Variants in SCN11A observed in about 807,000 individuals in gnomAD.
SCN11A encodes the protein sodium channel protein type 11 subunit alpha.
A neutral mutation model predicts 162.2 loss-of-function variants in SCN11A; 122 were observed. The ratio of observed to expected loss-of-function variants is 0.75; its 90% CI spans 0.65 to 0.87. The LOEUF (loss-of-function observed/expected upper bound fraction) is 0.87. Ranked by LOEUF, SCN11A falls within the 40% of genes least tolerant of loss-of-function variation. The probability of loss-of-function intolerance (pLI) is 0.00; values close to 1 mark genes in which losing one functional copy is unlikely to be tolerated. For missense variants in SCN11A, 2,015 were observed against 2,181.6 expected (o/e 0.92, Z 1.52); for synonymous variants, 758 against 751.5 (o/e 1.01, Z -0.14).
At chr3:38,893,557 A>T (rs1186285584) in intron 19 of SCN11A, among the ~76,000 whole-genome samples, 1 of 152,214 alleles carries the variant, frequency 6.6e-6, no homozygotes, top group African/African-American at 2.4e-5. Context: ...TCCAAATGGC[A>T]GAATACACAT....
chr3:39,032,900 C>A (rs1028407632), intron 1 of SCN11A, among the ~76,000 whole-genome samples: 1 of 151,990 alleles, frequency 6.6e-6, no homozygotes, highest in South Asian at 2.1e-4. Context: ...GCCTACAATC[C>A]CAACACTTTG....
At chr3:38,905,350 A>G (rs756405691) in intron 14 of SCN11A, 29 bp from the exon 15 acceptor site, 2 of 1,602,742 alleles carry the variant, frequency 1.2e-6, no homozygotes, top group South Asian at 1.1e-5. Flanking sequence ...GGCACCTTCT[A>G]AAGACAGGGG....
At chr3:38,928,942 A>G (rs1314225633) in intron 7 of SCN11A, among the ~76,000 whole-genome samples, 2 of 152,184 alleles carry the variant, frequency 1.3e-5, no homozygotes, top group East Asian at 3.8e-4. Flanking sequence ...AGGTATATGT[A>G]TAAAAGAATT....
chr3:38,911,413 T>C (rs1230155008), intron 11 of SCN11A, among the ~76,000 whole-genome samples: 1 of 152,182 alleles, frequency 6.6e-6, no homozygotes, highest in African/African-American at 2.4e-5. Flanking sequence ...CCTTTTTGGG[T>C]GACCTTCTTT....
In SCN11A at chr3:38,909,261, A is replaced by G. The variant is rs2065851172; in HGVS notation, c.1102-67T>C. On this transcript the variant is annotated intron_variant, in intron 12 of 29. Transcript: ENST00000302328. ...CCACAGGAAAGTGACCATCACCTCA[A>G]GCAAAAACCACACAGTAGCAGACAA... 4.7e-6 allele frequency: 7 copies of G among 1,475,806 alleles called. No homozygotes were observed. In the East Asian group the frequency reaches 1.6e-4, roughly 34 times the overall value. 91.4% of individuals were successfully genotyped at this position (1,475,806 alleles called of 1,614,324 possible). A position where few individuals can be genotyped will look rare whatever the true frequency, so the allele number is the denominator to read the frequency against.
chr3:39,039,935 A>C (rs1327906677), intron 1 of SCN11A, among the ~76,000 whole-genome samples: 1 of 152,198 alleles, frequency 6.6e-6, no homozygotes, highest in African/African-American at 2.4e-5. Flanking sequence ...GCATGTGTAC[A>C]TGTCCGCCAA....
At chr3:39,020,065 C>T (rs557463492) in intron 2 of SCN11A, among the ~76,000 whole-genome samples, 3 of 152,196 alleles carry the variant, frequency 2.0e-5, no homozygotes, top group South Asian at 2.1e-4. Flanking sequence ...TATGATTTTG[C>T]GCAAAGTATT....
At chr3:39,028,560 A>T (rs1220050767) in intron 2 of SCN11A, among the ~76,000 whole-genome samples, 1 of 152,188 alleles carries the variant, frequency 6.6e-6, no homozygotes, top group East Asian at 1.9e-4. Flanking sequence ...TGTTGTTATA[A>T]CAGAATGCCT....
In SCN11A at chr3:39,042,080, C is replaced by T. The variant is rs139464340; in HGVS notation, c.-403-9577G>A. Among the ~76,000 whole-genome samples the T allele has an allele frequency of 4.9e-3, 746 of 152,096 alleles. 11 individuals are homozygous for T. The highest frequency in any genetic ancestry group is 0.016 in the African/African-American group (678 of 41,502). ...AGTCAGGAGTTTGAGACAAGCCTGGCCAACATGGTGAAACCCTGTCCCCAC... is the reference window on the plus strand; with the variant it reads ...AGTCAGGAGTTTGAGACAAGCCTGGTCAACATGGTGAAACCCTGTCCCCAC... On this transcript the variant is annotated intron_variant, in intron 1 of 29. Coordinates refer to ENST00000302328, the MANE Select transcript of SCN11A (RefSeq NM_001349253.2).
At chr3:38,986,624 C>CTG (rs1559565000) in intron 2 of SCN11A, among the ~76,000 whole-genome samples, 2 of 152,100 alleles carry the variant, frequency 1.3e-5, no homozygotes, top group African/African-American at 4.8e-5. Context: ...CTCTCTCTCT[C>CTG]TCTGTGTGTG....
At chr3:38,938,257 C>A (rs1421984276) in intron 7 of SCN11A, among the ~76,000 whole-genome samples, 2 of 151,748 alleles carry the variant, frequency 1.3e-5, no homozygotes, top group Non-Finnish European at 2.9e-5. Flanking sequence ...GGAGGGATAG[C>A]TTTAGGAGAT....
intron 2 of SCN11A, among the ~76,000 whole-genome samples, chr3:39,016,110 G>GT (rs1255245487): frequency 1.3e-5 from 2 of 152,158 alleles, no homozygotes; most frequent in African/African-American, 4.8e-5. Context: ...AAGGAGCTAT[G>GT]TAAGAATGTG....
intron 2 of SCN11A, among the ~76,000 whole-genome samples, chr3:38,986,453 C>T (rs1559564922): frequency 6.6e-6 from 1 of 152,212 alleles, no homozygotes; most frequent in Non-Finnish European, 1.5e-5. Flanking sequence ...ACAGACCCTG[C>T]TTCTGCCTTA....
chr3:38,934,581 G>T (rs1344174128), intron 7 of SCN11A, among the ~76,000 whole-genome samples: 1 of 152,032 alleles, frequency 6.6e-6, no homozygotes. Flanking sequence ...TGCAATCCTA[G>T]TCTCTGATAA....
At chr3:38,995,803 A>ATCTATCTATCTG (rs1553648571) in intron 2 of SCN11A, among the ~76,000 whole-genome samples, 8 of 135,150 alleles carry the variant, frequency 5.9e-5, no homozygotes, top group Non-Finnish European at 1.1e-4. Context: ...TAAATTGTCT[A>ATCTATCTATCTG]TCTATCTATC....
chr3:39,050,529 A>C (rs557141650), intron 1 of SCN11A, among the ~76,000 whole-genome samples: 173 of 152,358 alleles, frequency 1.1e-3, no homozygotes, highest in African/African-American at 3.9e-3. Context: ...TATCACTGCC[A>C]GTTTTGCTTA....
At chr3:38,936,175 C>A (rs1269931139) in intron 7 of SCN11A, among the ~76,000 whole-genome samples, 1 of 151,942 alleles carries the variant, frequency 6.6e-6, no homozygotes, top group Non-Finnish European at 1.5e-5. Context: ...AACAACCCTT[C>A]ATGCTAAAAA....
At chr3:38,976,809 C>A (rs1255841333) in intron 2 of SCN11A, among the ~76,000 whole-genome samples, 2 of 152,158 alleles carry the variant, frequency 1.3e-5, no homozygotes, top group African/African-American at 4.8e-5. Context: ...CTCATCATGC[C>A]CAGCAATTCA....
intron 23 of SCN11A, among the ~76,000 whole-genome samples, chr3:38,873,195 C>T (rs778187887): frequency 1.3e-5 from 2 of 152,120 alleles, no homozygotes; most frequent in Non-Finnish European, 2.9e-5. Context: ...ACAATGGAAT[C>T]AATGCTGAGC....
Sources: gnomAD v4.1 joint callset for allele counts (sites outside exome capture counted in the v4.1 genomes callset) on GRCh38, gnomAD v4.1.1 for gene constraint, MANE v1.5 for transcripts, NCBI Gene and HGNC (gene_info 2026-07-23, HGNC 2026-07-21) for gene names.